Variants in TENM1 observed in about 807,000 individuals in gnomAD.
TENM1 encodes the protein teneurin transmembrane protein 1, also known as teneurin-1.
In TENM1, 35 loss-of-function variants were observed where a neutral mutation model predicts 174.8. That is an observed-to-expected ratio of 0.20 (90% CI 0.15 to 0.27). TENM1 has a LOEUF of 0.27. TENM1 is among the 10% of genes least tolerant of loss of function. TENM1 has a pLI of 1.00. For missense variants in TENM1, 1,633 were observed against 2,130.1 expected (o/e 0.77, Z 4.59); for synonymous variants, 781 against 798.7 (o/e 0.98, Z 0.37).
the TENM1 span, among the ~76,000 whole-genome samples, chrX:125,067,655 G>A: frequency 1.4e-4 from 16 of 111,742 alleles, no homozygotes; most frequent in South Asian, 5.2e-3. Context: ...CTTCTATCAC[G>A]TCTGAACTAG....
At chrX:124,500,205 G>A (rs757918441) in intron 19 of TENM1, among the ~76,000 whole-genome samples, 2 of 111,959 alleles carry the variant, frequency 1.8e-5, no homozygotes, top group Admixed American at 1.9e-4. Flanking sequence ...TTCATGCAAG[G>A]TACTAAAGTG....
intron 27 of TENM1, 47 bp downstream of exon 30, chrX:124,404,984 C>CAAAA: frequency 9.1e-7 from 1 of 1,092,941 alleles, no homozygotes; most frequent in Admixed American, 2.2e-5. Context: ...AACAAACAAA[C>CAAAA]AAAACACCTA....
chrX:124,730,576 A>AT (rs1213513365), intron 4 of TENM1, among the ~76,000 whole-genome samples: 2 of 111,695 alleles, frequency 1.8e-5, no homozygotes, highest in Admixed American at 1.9e-4. Flanking sequence ...ACGGATGCTG[A>AT]TTTTCAACAC....
At chrX:124,679,996 A>C (rs989771095) in intron 5 of TENM1, among the ~76,000 whole-genome samples, 4 of 111,685 alleles carry the variant, frequency 3.6e-5, no homozygotes, top group Admixed American at 2.9e-4. Context: ...AAACCCGAAA[A>C]GCTGTTGTGT....
the TENM1 span, among the ~76,000 whole-genome samples, chrX:125,146,315 G>A: frequency 9.0e-6 from 1 of 111,266 alleles, no homozygotes; most frequent in Admixed American, 9.6e-5. Flanking sequence ...TGGGGAGGGG[G>A]TTTAAGGATT....
At chrX:124,958,027 G>A (rs2058603143) in intron 1 of TENM1, among the ~76,000 whole-genome samples, 1 of 111,276 alleles carries the variant, frequency 9.0e-6, no homozygotes, top group South Asian at 3.8e-4. Context: ...TTGGATGTGA[G>A]GCTGCTTGGG....
At chrX:124,770,662 G>C (rs1397692851) in intron 3 of TENM1, among the ~76,000 whole-genome samples, 1 of 110,146 alleles carries the variant, frequency 9.1e-6, no homozygotes, top group Non-Finnish European at 1.9e-5. Flanking sequence ...TCCCACCTGG[G>C]CCTCCCAAAG....
intron 3 of TENM1, among the ~76,000 whole-genome samples, chrX:124,833,526 G>A (rs1293667108): frequency 1.8e-5 from 2 of 111,629 alleles, no homozygotes; most frequent in African/African-American, 6.5e-5. Flanking sequence ...AACCTACAAA[G>A]AGTAACTCCT....
chrX:124,863,807 T>C (rs904692586), intron 3 of TENM1, among the ~76,000 whole-genome samples: 1 of 112,468 alleles, frequency 8.9e-6, no homozygotes, highest in Admixed American at 9.4e-5. Context: ...AAAACCAGTG[T>C]TGTGCTGGCA....
chrX:124,797,515 A>G (rs1222413546), intron 3 of TENM1, among the ~76,000 whole-genome samples: 1 of 111,091 alleles, frequency 9.0e-6, no homozygotes, highest in Non-Finnish European at 1.9e-5. Flanking sequence ...ACTTGGTTGC[A>G]TTTTTCAGAG....
chrX:124,994,480 T>C, the TENM1 span, among the ~76,000 whole-genome samples: 1 of 110,118 alleles, frequency 9.1e-6, no homozygotes, highest in Non-Finnish European at 1.9e-5. Context: ...TCCAAACAAG[T>C]TAAAAATAAC....
intron 22 of TENM1, among the ~76,000 whole-genome samples, chrX:124,464,365 A>G (rs2061218499): frequency 8.9e-6 from 1 of 112,277 alleles, no homozygotes; most frequent in Admixed American, 9.5e-5. Context: ...GCAGGATATG[A>G]GGAATTAAGC....
intron 11 of TENM1, among the ~76,000 whole-genome samples, chrX:124,632,364 C>T (rs1184945095): frequency 1.8e-5 from 2 of 111,056 alleles, no homozygotes; most frequent in Admixed American, 9.6e-5. Context: ...CTACTCATAC[C>T]GTGTGGGTGT....
At chrX:124,462,837 CA>C (rs1334549045) in intron 22 of TENM1, among the ~76,000 whole-genome samples, 1 of 111,564 alleles carries the variant, frequency 9.0e-6, no homozygotes, top group African/African-American at 3.3e-5. Context: ...TAAAGCATGC[CA>C]GGAGGCCAAG....
At chrX:125,120,987 C>CA in the TENM1 span, among the ~76,000 whole-genome samples, 1 of 111,409 alleles carries the variant, frequency 9.0e-6, no homozygotes, top group African/African-American at 3.3e-5. Flanking sequence ...TATTTTCCAA[C>CA]ATGTTATCAT....
the TENM1 span, among the ~76,000 whole-genome samples, chrX:125,143,198 TAGAGTC>T: frequency 8.9e-6 from 1 of 111,737 alleles, no homozygotes; most frequent in Non-Finnish European, 1.9e-5. Flanking sequence ...TGATTAGTCT[TAGAGTC>T]AGAGATAAAT....
At chrX:125,056,465 TGAAA>T in the TENM1 span, among the ~76,000 whole-genome samples, 5 of 111,467 alleles carry the variant, frequency 4.5e-5, no homozygotes, top group Admixed American at 4.8e-4. Context: ...GATTTTTTAA[TGAAA>T]GAAAGAGCCA....
chrX:124,574,345 C>G (rs1271088676), intron 11 of TENM1, among the ~76,000 whole-genome samples: 2 of 111,308 alleles, frequency 1.8e-5, no homozygotes, highest in Non-Finnish European at 3.8e-5. Flanking sequence ...TTCTTGACCC[C>G]TCTGCCTTCT....
chrX:125,054,369 C>A, the TENM1 span, among the ~76,000 whole-genome samples: 1 of 110,396 alleles, frequency 9.1e-6, no homozygotes, highest in Non-Finnish European at 1.9e-5. Context: ...AATTAAACTT[C>A]TTTTCTTTAT....
Sources: allele counts gnomAD v4.1 joint callset (sites outside exome capture counted in the v4.1 genomes callset), GRCh38; gene constraint gnomAD v4.1.1; transcripts MANE v1.5; gene names NCBI Gene and HGNC (gene_info 2026-07-23, HGNC 2026-07-21).